The following CDH12 variants were observed in gnomAD, a reference collection of about 807,000 sequenced individuals.
CDH12 encodes cadherin 12, also known as cadherin-12.
A neutral mutation model predicts 74.1 loss-of-function variants in CDH12; 41 were observed. The observed-to-expected ratio is 0.55, with a 90% confidence interval of 0.43 to 0.72. The LOEUF (loss-of-function observed/expected upper bound fraction) is 0.72. Ranked by LOEUF, CDH12 falls within the 30% of genes least tolerant of loss-of-function variation. The pLI is 0.00. For synonymous variants in CDH12, 399 were observed against 355.0 expected (o/e 1.12, Z -1.39); for missense variants, 945 against 977.2 (o/e 0.97, Z 0.44).
At chr5:22,725,663 C>T (rs1473941394) in intron 1 of CDH12, among the ~76,000 whole-genome samples, 2 of 151,420 alleles carry the variant, frequency 1.3e-5, no homozygotes, top group African/African-American at 4.8e-5. Context: ...TAATCATATC[C>T]CAAGGGCCCT....
At chr5:22,579,550 G>A (rs958828985) in intron 1 of CDH12, among the ~76,000 whole-genome samples, 1 of 151,580 alleles carries the variant, frequency 6.6e-6, no homozygotes, top group Admixed American at 6.6e-5. Context: ...TTATATTGTT[G>A]TTCTGATGAA....
chr5:22,333,650 T>C (rs1356315248), intron 3 of CDH12, among the ~76,000 whole-genome samples: 1 of 152,156 alleles, frequency 6.6e-6, no homozygotes, highest in Non-Finnish European at 1.5e-5. Context: ...AATGTTATAC[T>C]GATCCCCAAA....
rs1484523575 is a variant in CDH12, at chr5:21,822,196, ATTAT to A, written c.815-5068_815-5065del. Among the ~76,000 whole-genome samples the A allele has an allele frequency of 3.8e-5, 5 of 131,312 alleles. No homozygotes were observed. In the East Asian group the frequency reaches 8.4e-4, roughly 22 times the overall value. 86.1% of individuals were successfully genotyped at this position (131,312 alleles called of 152,430 possible). Reference sequence around the variant, plus strand: ...CAAAAGTGCATGAAACTCATTCAGTATTATTTATTACTAGTTAACTTTTATAATA... The same window carrying A: ...CAAAAGTGCATGAAACTCATTCAGTATTATTACTAGTTAACTTTTATAATA... On this transcript the variant is annotated intron_variant, in intron 8 of 14. Transcript: ENST00000382254.
intron 3 of CDH12, among the ~76,000 whole-genome samples, chr5:22,400,281 T>C (rs1257237174): frequency 6.6e-6 from 1 of 152,102 alleles, no homozygotes; most frequent in African/African-American, 2.4e-5. Flanking sequence ...TTTACAAAGG[T>C]CACAGTACAA....
chr5:22,830,628 C>T (rs1736557935), intron 1 of CDH12, among the ~76,000 whole-genome samples: 1 of 151,612 alleles, frequency 6.6e-6, no homozygotes. Flanking sequence ...ATACATCTTT[C>T]TATATTTTCT....
At position 22,331,282 on chromosome 5, in the gene CDH12, G is replaced by A. The variant is rs192287838; in HGVS notation, c.-333+73975C>T. Among the ~76,000 whole-genome samples, 459 of 152,334 alleles carry A rather than the reference G, an allele frequency of 3.0e-3. 3 individuals are homozygous for A. Among genetic ancestry groups the A allele is most frequent in the Middle Eastern group, 0.024 (7 of 294 alleles). Reference sequence around the variant, plus strand: ...TTAGGCAAGGCATAGTGCTGTGCTAGATTCAGGGCTGACTCAGCAGTCTCA... The same window carrying A: ...TTAGGCAAGGCATAGTGCTGTGCTAAATTCAGGGCTGACTCAGCAGTCTCA... On this transcript the variant is annotated intron_variant, in intron 3 of 14. Coordinates refer to ENST00000382254, the MANE Select transcript of CDH12 (RefSeq NM_004061.5).
intron 1 of CDH12, among the ~76,000 whole-genome samples, chr5:22,627,817 A>T (rs1738375762): frequency 6.6e-6 from 1 of 152,112 alleles, no homozygotes; most frequent in African/African-American, 2.4e-5. Flanking sequence ...GCAAGACCCA[A>T]CTGTATGTTG....
At chr5:21,947,964 GC>G (rs1755655472) in intron 6 of CDH12, among the ~76,000 whole-genome samples, 1 of 152,196 alleles carries the variant, frequency 6.6e-6, no homozygotes, top group Admixed American at 6.5e-5. Flanking sequence ...GAGGGTGCAA[GC>G]CCCAAGCCTT....
At chr5:22,142,908 T>C (rs1163859673) in intron 4 of CDH12, 1 of 239,150 alleles carries the variant, frequency 4.2e-6, no homozygotes, top group East Asian at 1.1e-4. Flanking sequence ...GTCTGATTCT[T>C]TTTTTGATAT....
chr5:22,427,289 T>G (rs1200764789), intron 2 of CDH12, among the ~76,000 whole-genome samples: 2 of 152,126 alleles, frequency 1.3e-5, no homozygotes, highest in Non-Finnish European at 2.9e-5. Flanking sequence ...TGACTCAGCC[T>G]CTCAAGTAGC....
rs767276924 is a variant in CDH12, at chr5:21,765,009, G to A, written c.1484C>T (p.Thr495Ile). ...FPPEISVPYE[T>I]AVCENAKPGQ... ...TGGCTTGGCATTTTCACACACGGCT[G>A]TCTCATATGGCACAGATATTTCTGG... Residue 495 changes from threonine (T) to isoleucine (I), a missense_variant, in exon 12 of 15, where the codon ACA becomes ATA. This residue lies in a region of CDH12 where 791 missense variants were observed against 792.8 expected (regional missense o/e 1.00). Transcript: ENST00000382254. 1.2e-6 allele frequency: 2 copies of A among 1,613,490 alleles called. No individual in the cohort carries two copies. Among genetic ancestry groups the A allele is most frequent in the South Asian group, 2.2e-5 (2 of 91,058 alleles).
At chr5:22,166,620 A>C (rs1324937244) in intron 4 of CDH12, among the ~76,000 whole-genome samples, 2 of 152,226 alleles carry the variant, frequency 1.3e-5, no homozygotes, top group Non-Finnish European at 2.9e-5. Context: ...TATATGGCAC[A>C]AGTTTGCCAA....
rs1751601785 is a variant in CDH12, at chr5:22,212,538, T to A, written c.-227A>T. ...CTCTGTGAACGAGGTGAGAAATCCG[T>A]CAAATCAACCGTGAATGGGGTGGGG... On this transcript the variant is annotated 5_prime_UTR_variant, in exon 4 of 15. Transcript: ENST00000382254. 1.0e-6 allele frequency: 1 copy of A among 985,384 alleles called. No individual in the cohort carries two copies. The highest frequency in any genetic ancestry group is 1.7e-5 in the African/African-American group (1 of 57,200). 61.0% of individuals were successfully genotyped at this position (985,384 alleles called of 1,614,324 possible). A position where few individuals can be genotyped will look rare whatever the true frequency, so the allele number is the denominator to read the frequency against.
chr5:22,307,707 G>C (rs1203702136), intron 3 of CDH12, among the ~76,000 whole-genome samples: 2 of 152,028 alleles, frequency 1.3e-5, no homozygotes, highest in South Asian at 4.2e-4. Flanking sequence ...ATGAAAAAGA[G>C]TCTTCTTGCA....
At chr5:22,571,817 A>G (rs898974613) in intron 1 of CDH12, among the ~76,000 whole-genome samples, 4 of 152,168 alleles carry the variant, frequency 2.6e-5, no homozygotes, top group African/African-American at 9.6e-5. Context: ...AACACATAAC[A>G]TTAATTGATT....
intron 4 of CDH12, among the ~76,000 whole-genome samples, chr5:22,153,587 G>A (rs920250831): frequency 1.5e-4 from 22 of 151,140 alleles, no homozygotes; most frequent in Admixed American, 2.0e-4. Context: ...CTTAAGCTCT[G>A]TAAGCCTCAG....
chr5:22,319,354 A>T (rs982422340), intron 3 of CDH12, among the ~76,000 whole-genome samples: 3 of 152,206 alleles, frequency 2.0e-5, no homozygotes, highest in Non-Finnish European at 4.4e-5. Flanking sequence ...AAAGAAAATG[A>T]CAGAACTCAG....
intron 3 of CDH12, among the ~76,000 whole-genome samples, chr5:22,257,731 C>G (rs113279233): frequency 1.4e-3 from 208 of 152,060 alleles, no homozygotes; most frequent in African/African-American, 4.9e-3. Flanking sequence ...GATCTGAGCT[C>G]CTGATTTGCC....
intron 1 of CDH12, among the ~76,000 whole-genome samples, chr5:22,560,170 T>A (rs1738978015): frequency 6.6e-6 from 1 of 152,208 alleles, no homozygotes; most frequent in South Asian, 2.1e-4. Flanking sequence ...TTTCAAGGTT[T>A]CAGTTACTCA....
Sources: allele counts gnomAD v4.1 joint callset (sites outside exome capture counted in the v4.1 genomes callset), GRCh38; gene constraint gnomAD v4.1.1; regional missense constraint gnomAD v4.1.1; transcripts MANE v1.5; gene names NCBI Gene and HGNC (gene_info 2026-07-23, HGNC 2026-07-21).